The following SMYD2 variants were observed in gnomAD, a reference collection of about 807,000 sequenced individuals.
SMYD2 encodes the protein N-lysine methyltransferase SMYD2.
Under a neutral mutation model 59.1 loss-of-function variants are expected in SMYD2, and 53 were observed. The observed-to-expected ratio is 0.90, with a 90% CI of 0.72 to 1.13. The LOEUF (loss-of-function observed/expected upper bound fraction) is 1.13. Ranked by LOEUF, SMYD2 falls within the 50% of genes most tolerant of loss-of-function variation. SMYD2 has a pLI of 0.00. For missense variants in SMYD2, 494 were observed against 544.7 expected (o/e 0.91, Z 0.93); for synonymous variants, 208 against 198.8 (o/e 1.05, Z -0.39).
rs1001349861 is a variant in SMYD2 at position 214,330,370 on chromosome 1, A to G, written c.816+92A>G. 3 of 850,624 alleles carry G rather than the reference A, an allele frequency of 3.5e-6. No homozygotes were observed. The Admixed American group carries it at 7.9e-5, about 22-fold the overall frequency. 52.7% of individuals were successfully genotyped at this position (850,624 alleles called of 1,614,324 possible). On this transcript the variant is annotated intron_variant, in intron 8 of 11. Transcript: ENST00000366957. Reference sequence around the variant, plus strand: ...TTGTCTGACTTGGCGGATCTCCTCTAGGATCTTTTTGACCCTTTAAACCCT... The same window carrying G: ...TTGTCTGACTTGGCGGATCTCCTCTGGGATCTTTTTGACCCTTTAAACCCT...
Position 214,281,489 on chromosome 1 carries a change from C to T in SMYD2, c.173+62C>T, listed in dbSNP as rs991735302. 6.4e-6 allele frequency: 8 copies of T among 1,240,334 alleles called. No homozygotes were observed. The South Asian group carries it at 1.6e-4, about 24-fold the overall frequency. 76.8% of individuals were successfully genotyped at this position (1,240,334 alleles called of 1,614,324 possible). A position where few individuals can be genotyped will look rare whatever the true frequency, so the allele number is the denominator to read the frequency against. On this transcript the variant is annotated intron_variant, in intron 1 of 11. Transcript: ENST00000366957. ...GGGGGCGCCGAGCGGGAGGCTTGGA[C>T]GGCGGCGCCAGGAAGTGCGTGCGGC...
intron 1 of SMYD2, among the ~76,000 whole-genome samples, chr1:214,282,183 C>G (rs1365172752): frequency 2.0e-5 from 3 of 152,078 alleles, no homozygotes; most frequent in African/African-American, 4.8e-5. Flanking sequence ...TTGCACACAC[C>G]AACACATAAT....
intron 11 of SMYD2, among the ~76,000 whole-genome samples, chr1:214,336,355 AC>A (rs1378510421): frequency 6.6e-6 from 1 of 152,164 alleles, no homozygotes; most frequent in African/African-American, 2.4e-5. Context: ...ACACAGTGAA[AC>A]CCCGTGTCTA....
At chr1:214,330,549 G>C (rs1657336148) in intron 8 of SMYD2, among the ~76,000 whole-genome samples, 1 of 152,180 alleles carries the variant, frequency 6.6e-6, no homozygotes, top group African/African-American at 2.4e-5. Context: ...GCTCAAAGGA[G>C]GAGGGGGGAA....
chr1:214,317,345 AAGG>A (rs1222796327), intron 3 of SMYD2, among the ~76,000 whole-genome samples: 1 of 152,202 alleles, frequency 6.6e-6, no homozygotes, highest in Non-Finnish European at 1.5e-5. Flanking sequence ...GTAGCTTGCA[AAGG>A]ATTAGGGGAG....
chr1:214,318,147 T>C lies in SMYD2; in HGVS notation c.409+8T>C, dbSNP rs1466128961. 1.2e-6 allele frequency: 2 copies of C among 1,613,626 alleles called. No homozygotes were observed. The highest frequency in any genetic ancestry group is 2.2e-5 in the South Asian group (2 of 90,950). On this transcript the variant is annotated splice_region_variant and intron_variant, in intron 4 of 11. Transcript: ENST00000366957. The surrounding 1 kb of genome is among the most constrained non-coding windows in gnomAD (Gnocchi z 5.4). ...TGAAGGAGTTTGAATCACGTAAGTCTTTCTGTGACCAGCCGCGCAGTTCTC... is the reference window on the plus strand; with the variant it reads ...TGAAGGAGTTTGAATCACGTAAGTCCTTCTGTGACCAGCCGCGCAGTTCTC...
intron 10 of SMYD2, 81 bp downstream of exon 10, chr1:214,332,273 C>T: frequency 6.6e-7 from 1 of 1,508,634 alleles, no homozygotes; most frequent in Non-Finnish European, 9.0e-7. Context: ...ATCTTCCTGC[C>T]CATTGCTGAG....
chr1:214,298,057 T>C (rs775251538), intron 1 of SMYD2, among the ~76,000 whole-genome samples: 1 of 152,188 alleles, frequency 6.6e-6, no homozygotes, highest in Non-Finnish European at 1.5e-5. Context: ...AAAACTTTTC[T>C]AAAATTCATG....
At chr1:214,302,324 G>A (rs1462660760) in intron 1 of SMYD2, among the ~76,000 whole-genome samples, 1 of 138,794 alleles carries the variant, frequency 7.2e-6, no homozygotes, top group Non-Finnish European at 1.5e-5. Flanking sequence ...GGGCAACAGA[G>A]CAAGACTCCG....
chr1:214,303,573 C>T (rs925792864), intron 1 of SMYD2, among the ~76,000 whole-genome samples: 1 of 152,166 alleles, frequency 6.6e-6, no homozygotes, highest in African/African-American at 2.4e-5. Context: ...CCCCAAGACG[C>T]GTTTTTCTCC....
intron 1 of SMYD2, among the ~76,000 whole-genome samples, chr1:214,299,887 T>C (rs1656794228): frequency 2.0e-5 from 3 of 152,114 alleles, no homozygotes; most frequent in Admixed American, 2.0e-4. Context: ...ATTACAGGCG[T>C]GAGCCACCAC....
Position 214,318,934 on chromosome 1 carries a change from A to G in SMYD2, c.485A>G (p.Lys162Arg), listed in dbSNP as rs528198800. ...DIAALHHFYSKHLGFPDNDSL... is the reference protein window; with the variant it reads ...DIAALHHFYSRHLGFPDNDSL... ...GCTGCTCTCCATCACTTTTACTCCA[A>G]GCATCTCGGATTCCCTGACAATGAT... The change falls in exon 5 of 12, where the codon AAG becomes AGG. Residue 162 changes from lysine to arginine, a missense_variant. Transcript: ENST00000366957. The surrounding 1 kb of genome is among the most constrained non-coding windows in gnomAD (Gnocchi z 5.4). The G allele has an allele frequency of 4.3e-6, 7 of 1,614,066 alleles. No homozygotes were observed. Among genetic ancestry groups the G allele is most frequent in the Middle Eastern group, 1.6e-4 (1 of 6,062 alleles).
intron 1 of SMYD2, among the ~76,000 whole-genome samples, chr1:214,299,683 T>C (rs1656790590): frequency 6.6e-6 from 1 of 152,120 alleles, no homozygotes; most frequent in Non-Finnish European, 1.5e-5. Flanking sequence ...CCTGGCTCAC[T>C]GCAACCTCTG....
intron 10 of SMYD2, chr1:214,333,887 G>T (rs1053595471): frequency 4.4e-6 from 1 of 228,948 alleles, no homozygotes; most frequent in Admixed American, 4.8e-5. Context: ...CTTCCTCTGG[G>T]TATGTCTGAA....
chr1:214,283,206 A>G (rs780536866), intron 1 of SMYD2, among the ~76,000 whole-genome samples: 14 of 152,202 alleles, frequency 9.2e-5, no homozygotes, highest in Non-Finnish European at 5.9e-5. Context: ...ACCTTAGAAC[A>G]TTAATGGATG....
At chr1:214,306,120 T>C (rs1273821219) in intron 2 of SMYD2, among the ~76,000 whole-genome samples, 2 of 152,170 alleles carry the variant, frequency 1.3e-5, no homozygotes, top group African/African-American at 4.8e-5. Context: ...CCTTGAGAAA[T>C]GGTGATGCTG....
chr1:214,326,140 A>T (rs1248835828), intron 6 of SMYD2, among the ~76,000 whole-genome samples: 1 of 151,236 alleles, frequency 6.6e-6, no homozygotes, highest in African/African-American at 2.4e-5. Context: ...CAGGAGGCTG[A>T]GGCAGCAGAA....
At chr1:214,325,746 T>C (rs537572289) in intron 6 of SMYD2, among the ~76,000 whole-genome samples, 1 of 150,774 alleles carries the variant, frequency 6.6e-6, no homozygotes, top group Admixed American at 6.6e-5. Flanking sequence ...TCATCTGCAG[T>C]TGGAATTCTG....
chr1:214,336,329 G>C (rs182677010), intron 11 of SMYD2, among the ~76,000 whole-genome samples: 3 of 152,098 alleles, frequency 2.0e-5, no homozygotes, highest in African/African-American at 7.2e-5. Context: ...TCAGGAGATC[G>C]AGACCATCCT....
Sources: allele counts gnomAD v4.1 joint callset (sites outside exome capture counted in the v4.1 genomes callset), GRCh38; gene constraint gnomAD v4.1.1; non-coding constraint Gnocchi (gnomAD v3.1); transcripts MANE v1.5; gene names NCBI Gene and HGNC (gene_info 2026-07-23, HGNC 2026-07-21).